Variants in SLC35G2 observed in about 807,000 individuals in gnomAD.
The protein encoded by SLC35G2 is transmembrane protein 22.
SLC35G2 carries 20 observed loss-of-function variants against 27.2 expected under a neutral mutation model. The observed-to-expected ratio is 0.74, with a 90% CI of 0.52 to 1.07. The LOEUF is 1.07. Ranked by LOEUF, SLC35G2 falls within the 50% of genes least tolerant of loss-of-function variation. The pLI, the probability that SLC35G2 is intolerant of heterozygous loss-of-function variation, is 0.00. For synonymous variants in SLC35G2, 148 were observed against 165.3 expected, an observed-to-expected ratio of 0.90 and a Z score of 0.80; for missense variants, 416 against 493.3, an observed-to-expected ratio of 0.84 and a Z score of 1.48.
chr3:136,849,449 T>C (rs1678089290), intron 1 of SLC35G2, among the ~76,000 whole-genome samples: 1 of 132,302 alleles, frequency 7.6e-6, no homozygotes, highest in South Asian at 2.5e-4. Context: ...ATAAGTAAAG[T>C]TGAACCCAAC....
intron 1 of SLC35G2, among the ~76,000 whole-genome samples, chr3:136,844,515 T>A (rs1232180939): frequency 5.0e-5 from 7 of 139,118 alleles, no homozygotes; most frequent in Non-Finnish European, 1.1e-4. Context: ...AACAAATTTG[T>A]TGACTGGGCG....
intron 1 of SLC35G2, among the ~76,000 whole-genome samples, chr3:136,848,582 A>G (rs1937500991): frequency 6.6e-6 from 1 of 152,202 alleles, no homozygotes; most frequent in Non-Finnish European, 1.5e-5. Context: ...CTGGGGTGAC[A>G]AAAAGCCATC....
intron 1 of SLC35G2, among the ~76,000 whole-genome samples, chr3:136,823,917 G>A (rs922742163): frequency 6.6e-6 from 1 of 152,006 alleles, no homozygotes; most frequent in African/African-American, 2.4e-5. Context: ...AGTGATAGGG[G>A]TCTAGTTTCA....
At chr3:136,830,104 CTTTTTTTTTTTTT>C (rs71134418) in intron 1 of SLC35G2, among the ~76,000 whole-genome samples, 1 of 88,814 alleles carries the variant, frequency 1.1e-5, no homozygotes, top group Non-Finnish European at 2.1e-5. Context: ...TACATTATTT[CTTTTTTTTTTTTT>C]TTTTTTTTTT....
intron 1 of SLC35G2, among the ~76,000 whole-genome samples, chr3:136,834,893 A>C (rs1016714133): frequency 6.6e-6 from 1 of 152,166 alleles, no homozygotes; most frequent in Non-Finnish European, 1.5e-5. Flanking sequence ...CTCTCTTATT[A>C]TTCTTCACCC....
chr3:136,838,368 T>C (rs928312096), intron 1 of SLC35G2: 1 of 151,908 alleles, frequency 6.6e-6, no homozygotes, highest in African/African-American at 2.4e-5. Context: ...TAAATCTAGG[T>C]ATGCTACTTA....
intron 1 of SLC35G2, among the ~76,000 whole-genome samples, chr3:136,845,391 CTG>C (rs1937327066): frequency 6.6e-6 from 1 of 152,104 alleles, no homozygotes; most frequent in African/African-American, 2.4e-5. Flanking sequence ...TGTGGATTTG[CTG>C]GTGATGGGAC....
intron 1 of SLC35G2, among the ~76,000 whole-genome samples, chr3:136,840,464 G>T (rs890098933): frequency 5.3e-5 from 8 of 151,758 alleles, no homozygotes; most frequent in Admixed American, 2.6e-4. Context: ...TCTTCCCCTG[G>T]TTGTTGCCCT....
At chr3:136,820,469 G>T (rs941269643) in intron 1 of SLC35G2, 1 of 152,254 alleles carries the variant, frequency 6.6e-6, no homozygotes, top group East Asian at 1.9e-4. Context: ...GTTGAGGCTG[G>T]TTTCCTGAAC....
intron 1 of SLC35G2, among the ~76,000 whole-genome samples, chr3:136,836,441 A>G (rs1162515894): frequency 6.6e-6 from 1 of 152,056 alleles, no homozygotes; most frequent in East Asian, 1.9e-4. Flanking sequence ...TTCCCGACAT[A>G]AATTAAACAA....
chr3:136,845,545 G>C (rs370168825), intron 1 of SLC35G2, among the ~76,000 whole-genome samples: 1 of 152,058 alleles, frequency 6.6e-6, no homozygotes, highest in African/African-American at 2.4e-5. Flanking sequence ...TTCTCTAGTG[G>C]TTTAAAGCAG....
chr3:136,826,199 G>C (rs1936581807), intron 1 of SLC35G2, among the ~76,000 whole-genome samples: 1 of 151,972 alleles, frequency 6.6e-6, no homozygotes, highest in African/African-American at 2.4e-5. Context: ...ACAATGCCCG[G>C]CTAATTTTTT....
chr3:136,855,527 T>C lies in SLC35G2; in HGVS notation c.1067T>C (p.Val356Ala). 1 of 1,614,182 alleles carries C rather than the reference T, an allele frequency of 6.2e-7. No individual in the cohort carries two copies. Among genetic ancestry groups the C allele is most frequent in the South Asian group, 1.1e-5 (1 of 91,082 alleles). ...LVSTVQHLEIVVAMVLQLLVL... is the reference protein window; with the variant it reads ...LVSTVQHLEIAVAMVLQLLVL... Reference sequence around the variant, plus strand: ...AGCACAGTACAACATTTGGAGATTGTGGTAGCTATGGTCTTGCAGCTTCTC... The same window carrying C: ...AGCACAGTACAACATTTGGAGATTGCGGTAGCTATGGTCTTGCAGCTTCTC... Residue 356 changes from valine to alanine, a missense_variant, in exon 2 of 2, where the codon GTG becomes GCG. Val to Ala is a moderately conservative substitution (Grantham distance 64). Transcript: ENST00000446465.
chr3:136,844,839 ATTCT>A (rs1017623788), intron 1 of SLC35G2, among the ~76,000 whole-genome samples: 1 of 151,092 alleles, frequency 6.6e-6, no homozygotes, highest in Non-Finnish European at 1.5e-5. Flanking sequence ...AAGACAAAAC[ATTCT>A]TTCATGTACA....
chr3:136,822,161 A>C (rs1452499680), intron 1 of SLC35G2, among the ~76,000 whole-genome samples: 1 of 152,138 alleles, frequency 6.6e-6, no homozygotes, highest in Non-Finnish European at 1.5e-5. Flanking sequence ...TTAAATTATT[A>C]TTGACTATAG....
chr3:136,821,793 G>T lies in SLC35G2; in HGVS notation c.-19+2165G>T, dbSNP rs142707389. On this transcript the variant is annotated intron_variant, in intron 1 of 1. Transcript: ENST00000446465. Reference sequence around the variant, plus strand: ...TATTGTTGATATGTATTGTTGATAGGTGCAATGCTGTATAGCAGATCTTTA... The same window carrying T: ...TATTGTTGATATGTATTGTTGATAGTTGCAATGCTGTATAGCAGATCTTTA... Among the ~76,000 whole-genome samples, 263 of 152,208 alleles carry T rather than the reference G, an allele frequency of 1.7e-3. 1 individual carries two copies. The highest frequency in any genetic ancestry group is 6.0e-3 in the African/African-American group (249 of 41,522).
chr3:136,845,003 C>T (rs1937308078), intron 1 of SLC35G2, among the ~76,000 whole-genome samples: 1 of 151,944 alleles, frequency 6.6e-6, no homozygotes, highest in Non-Finnish European at 1.5e-5. Flanking sequence ...GTGTTCAAAG[C>T]CCTTGTTGGT....
At chr3:136,822,859 C>T (rs530702768) in intron 1 of SLC35G2, among the ~76,000 whole-genome samples, 15 of 152,268 alleles carry the variant, frequency 9.9e-5, no homozygotes, top group East Asian at 5.8e-4. Flanking sequence ...GTGAACAGTG[C>T]GGCAACAAAC....
At chr3:136,825,627 T>C (rs1166100280) in intron 1 of SLC35G2, among the ~76,000 whole-genome samples, 1 of 152,206 alleles carries the variant, frequency 6.6e-6, no homozygotes, top group African/African-American at 2.4e-5. Flanking sequence ...TTGAATTTTA[T>C]CAAGTGCTTT....
Sources: gnomAD v4.1 joint callset for allele counts (sites outside exome capture counted in the v4.1 genomes callset) on GRCh38, gnomAD v4.1.1 for gene constraint, MANE v1.5 for transcripts, NCBI Gene and HGNC (gene_info 2026-07-23, HGNC 2026-07-21) for gene names.